Variants in EPS8L2 observed in about 807,000 individuals in gnomAD.
The protein encoded by EPS8L2 is EPS8 signaling adaptor L2.
EPS8L2 carries 81 observed loss-of-function variants against 99.4 expected under a neutral mutation model. That is an observed-to-expected ratio of 0.82 (90% CI 0.68 to 0.98). The LOEUF is 0.98. Ranked by LOEUF, EPS8L2 falls within the 50% of genes least tolerant of loss-of-function variation. The pLI, the probability that EPS8L2 is intolerant of heterozygous loss-of-function variation, is 0.00. For synonymous variants in EPS8L2, 509 were observed against 407.3 expected (o/e 1.25, Z -3.01); for missense variants, 1,155 against 968.8 (o/e 1.19, Z -2.55).
chr11:716,108 G>C (rs983464603), intron 4 of EPS8L2, among the ~76,000 whole-genome samples: 1 of 150,634 alleles, frequency 6.6e-6, no homozygotes, highest in African/African-American at 2.4e-5. Context: ...AAGTAGCTGA[G>C]GTTACAGGCA....
At chr11:714,642 A>G (rs894970823) in intron 4 of EPS8L2, among the ~76,000 whole-genome samples, 27 of 144,834 alleles carry the variant, frequency 1.9e-4, no homozygotes, top group Non-Finnish European at 3.8e-4. Context: ...TTAATTTTTA[A>G]ATTTTATTTT....
chr11:718,797 T>C (rs1463937886), intron 4 of EPS8L2, among the ~76,000 whole-genome samples: 1 of 151,434 alleles, frequency 6.6e-6, no homozygotes, highest in Non-Finnish European at 1.5e-5. Context: ...GCCTCCCGAG[T>C]AGCTGGGACT....
chr11:708,376 G>A (rs1279329414), intron 1 of EPS8L2, among the ~76,000 whole-genome samples: 1 of 152,212 alleles, frequency 6.6e-6, no homozygotes, highest in Non-Finnish European at 1.5e-5. Flanking sequence ...CCTGGCGGCT[G>A]GGCCTTAGTT....
chr11:708,829 G>A (rs1032826608), intron 1 of EPS8L2: 21 of 164,378 alleles, frequency 1.3e-4, no homozygotes, highest in Non-Finnish European at 1.8e-4. Context: ...CAGGCCTGGG[G>A]TGGGGCAGGA....
chr11:724,957 GCC>G lies in EPS8L2; in HGVS notation c.1560+131_1560+132del. On this transcript the variant is annotated intron_variant, in intron 16 of 20. Transcript: ENST00000318562. The surrounding 1 kb of genome is among the most constrained non-coding windows in gnomAD (Gnocchi z 5.5). ...ATGCCAGGACGGGGCACAGCTGCTG[GCC>G]CCTTTCTCCAGGGTCCCCGCCCTTG... 1.4e-6 allele frequency: 1 copy of G among 700,218 alleles called. No individual in the cohort carries two copies. The highest frequency in any genetic ancestry group is 2.5e-6 in the Non-Finnish European group (1 of 400,484). 43.4% of individuals were successfully genotyped at this position (700,218 alleles called of 1,614,324 possible).
intron 7 of EPS8L2, 72 bp downstream of exon 7, chr11:720,981 G>GGCAGGGGAGGGGAGGAGCCC (rs1185213871): frequency 1.5e-6 from 2 of 1,375,818 alleles, no homozygotes; most frequent in African/African-American, 1.4e-5. Context: ...GGGAGGAGCC[G>GGCAGGGGAGGGGAGGAGCCC]GCAGGGGAGG....
intron 17 of EPS8L2, 25 bp from the exon 18 acceptor site, chr11:726,073 G>T (rs1223491908): frequency 6.7e-7 from 1 of 1,494,942 alleles, no homozygotes; most frequent in East Asian, 2.4e-5. Context: ...GGCGTGGGGA[G>T]CCTAATCGCC....
chr11:720,743 G>A lies in EPS8L2; in HGVS notation c.474G>A (p.Val158=), dbSNP rs985834266. The A allele has an allele frequency of 5.1e-6, 8 of 1,569,064 alleles. No individual in the cohort carries two copies. The Admixed American group carries it at 1.3e-4, about 26-fold the overall frequency. Residue 158 remains valine, a synonymous_variant, in exon 6 of 21, where the codon GTG becomes GTA. Coordinates refer to ENST00000318562, the MANE Select transcript of EPS8L2 (RefSeq NM_022772.4). ...PDVHFFHCDE[V]EAELVHEDIE... is the part of the protein sequence containing the mutation. Reference sequence around the variant, plus strand: ...TCCACTTCTTCCACTGCGATGAGGTGGAGGTGAGGCGGTGCCGGGCGGGGC... The same window carrying A: ...TCCACTTCTTCCACTGCGATGAGGTAGAGGTGAGGCGGTGCCGGGCGGGGC...
Position 720,129 on chromosome 11 carries a change from T to A in EPS8L2, c.233T>A (p.Leu78Gln). Residue 78 changes from leucine (L) to glutamine (Q), a missense_variant, in exon 5 of 21, where the codon CTG becomes CAG. By Grantham distance (113) the Leu-to-Gln change is moderately radical. Coordinates refer to ENST00000318562, the MANE Select transcript of EPS8L2 (RefSeq NM_022772.4). ...ITSVDDAIRK[L>Q]VQLSSKEKIW... The stretch of plus-strand genomic sequence containing the variant: ...TCTGTGGACGACGCCATCCGGAAGC[T>A]GGTGCAGCTGAGCTCCAAGGAGAAG... 6.2e-7 allele frequency: 1 copy of A among 1,613,464 alleles called. No homozygotes were observed. The highest frequency in any genetic ancestry group is 8.5e-7 in the Non-Finnish European group (1 of 1,179,986).
intron 8 of EPS8L2, 28 bp downstream of exon 8, chr11:721,234 AC>A: frequency 6.5e-7 from 1 of 1,536,644 alleles, no homozygotes; most frequent in Admixed American, 2.0e-5. Context: ...AGGGGGCTCC[AC>A]AGGGCTCGTT....
In EPS8L2 at chr11:726,655, G is replaced by T; in HGVS notation, c.1971G>T (p.Gln657His). 6.4e-7 allele frequency: 1 copy of T among 1,561,344 alleles called. No homozygotes were observed. Among genetic ancestry groups the T allele is most frequent in the South Asian group, 1.2e-5 (1 of 84,760 alleles). Residue 657 changes from glutamine to histidine, a missense_variant, in exon 20 of 21, where the codon CAG (glutamine) becomes CAT (histidine). Coordinates refer to ENST00000318562, the MANE Select transcript of EPS8L2 (RefSeq NM_022772.4). ...VENLGILTGP[Q>H]LFSLNKEELK... ...ACCTGGGCATCCTGACCGGGCCGCAGCTCTTCTCCCTCAACAAGGAGGAGC... is the reference window on the plus strand; with the variant it reads ...ACCTGGGCATCCTGACCGGGCCGCATCTCTTCTCCCTCAACAAGGAGGAGC...
At chr11:710,847 GC>G (rs1219198809) in intron 4 of EPS8L2, among the ~76,000 whole-genome samples, 3 of 152,332 alleles carry the variant, frequency 2.0e-5, no homozygotes, top group African/African-American at 7.2e-5. Context: ...GCCGGGGGAG[GC>G]CAGAGCCAGA....
At chr11:720,985 G>GGGA (rs200537412) in intron 7 of EPS8L2, 76 bp downstream of exon 7, 97,354 of 1,362,108 alleles carry the variant, frequency 0.071, 5,311 homozygotes, top group Admixed American at 0.078. Flanking sequence ...GGAGCCGGCA[G>GGGA]GGGAGGGGAG....
chr11:712,939 T>G (rs530481935), intron 4 of EPS8L2, among the ~76,000 whole-genome samples: 1 of 152,316 alleles, frequency 6.6e-6, no homozygotes, highest in South Asian at 2.1e-4. Context: ...GACTCTGCCC[T>G]CTTCGGGAGG....
rs1273698660 is a variant in EPS8L2 at position 726,294 on chromosome 11, G to GC, written c.1754-5dup. 3 of 1,598,930 alleles carry GC rather than the reference G, an allele frequency of 1.9e-6. No homozygotes were observed. The highest frequency in any genetic ancestry group is 1.3e-5 in the African/African-American group (1 of 74,596). On this transcript the variant is annotated splice_polypyrimidine_tract_variant and intron_variant, in intron 18 of 20. Coordinates refer to ENST00000318562, the MANE Select transcript of EPS8L2 (RefSeq NM_022772.4). ...AGGCAGCGGCGGGCCTGAGTCGCGCGCCCCCTCAGAGCTCATGCAGCACAT... is the reference window on the plus strand; with the variant it reads ...AGGCAGCGGCGGGCCTGAGTCGCGCGCCCCCCTCAGAGCTCATGCAGCACAT...
At chr11:725,691 C>G in intron 16 of EPS8L2, 37 bp from the exon 17 acceptor site, 1 of 1,303,260 alleles carries the variant, frequency 7.7e-7, no homozygotes, top group Non-Finnish European at 9.7e-7. Context: ...CCCCGCAGAG[C>G]CTGGGTGTGG....
intron 18 of EPS8L2, 22 bp downstream of exon 18, chr11:726,192 CG>C: frequency 6.3e-7 from 1 of 1,591,324 alleles, no homozygotes; most frequent in Non-Finnish European, 8.6e-7. Context: ...TGCTTCGAGG[CG>C]GGGGTCCCGG....
In EPS8L2 at chr11:724,861, G is replaced by A; in HGVS notation, c.1560+32G>A. On this transcript the variant is annotated intron_variant, in intron 16 of 20. Coordinates refer to ENST00000318562, the MANE Select transcript of EPS8L2 (RefSeq NM_022772.4). The surrounding 1 kb of genome is among the most constrained non-coding windows in gnomAD (Gnocchi z 5.5). ...GGCTGGAGGACGGGGTCCAAGAGGG[G>A]GAAACAGGGCAGGGCTTCAAGGGAG... is the stretch of plus-strand genomic sequence containing the variant. 2.0e-6 allele frequency: 3 copies of A among 1,532,102 alleles called. No individual in the cohort carries two copies. Among genetic ancestry groups the A allele is most frequent in the Non-Finnish European group, 2.7e-6 (3 of 1,107,350 alleles). The allele number at this position is 1,532,102 out of a possible 1,614,324, so 94.9% of individuals were successfully genotyped here.
At chr11:715,968 CTT>C (rs150677634) in intron 4 of EPS8L2, among the ~76,000 whole-genome samples, 50,837 of 90,550 alleles carry the variant, frequency 0.56, 13,333 homozygotes, top group African/African-American at 0.73. Flanking sequence ...GATTATTTAT[CTT>C]TTTTTTTTTT....
Sources: gnomAD v4.1 joint callset for allele counts (sites outside exome capture counted in the v4.1 genomes callset) on GRCh38, gnomAD v4.1.1 for gene constraint, Gnocchi (gnomAD v3.1) non-coding constraint, MANE v1.5 for transcripts, NCBI Gene and HGNC (gene_info 2026-07-23, HGNC 2026-07-21) for gene names.